The following KIAA1755 variants were observed in gnomAD, a reference collection of about 807,000 sequenced individuals.
The protein encoded by KIAA1755 is KIAA1755.
A neutral mutation model predicts 91.7 loss-of-function variants in KIAA1755; 68 were observed. That is an observed-to-expected ratio of 0.74 (90% CI 0.61 to 0.91). KIAA1755 has a LOEUF of 0.91. Ranked by LOEUF, KIAA1755 falls within the 40% of genes least tolerant of loss-of-function variation. The probability of loss-of-function intolerance (pLI) is 0.00; values close to 1 mark genes in which losing one functional copy is unlikely to be tolerated. For synonymous variants in KIAA1755, 610 were observed against 604.6 expected, an observed-to-expected ratio of 1.01 and a Z score of -0.13; for missense variants, 1,535 against 1,494.4, an observed-to-expected ratio of 1.03 and a Z score of -0.45.
chr20:38,240,653 T>C lies in KIAA1755; in HGVS notation c.1478A>G (p.His493Arg). The stretch of plus-strand genomic sequence containing the variant: ...ACACAGGACTTTCCAGGGCCCATTG[T>C]GCTGGAGTGAGGCTTTCTCCGGGGT... The part of the protein sequence containing the change: ...SVTPEKASLQ[H>R]NGPWKVLCSL... Residue 493 changes from histidine to arginine, a missense_variant, in exon 3 of 14, where the codon CAC (histidine) becomes CGC (arginine). By Grantham distance (29) the His-to-Arg change is conservative. Coordinates refer to ENST00000279024, the MANE Select transcript of KIAA1755 (RefSeq NM_001029864.2). The C allele has an allele frequency of 6.5e-7, 1 of 1,534,452 alleles. No homozygotes were observed. Among genetic ancestry groups the C allele is most frequent in the Non-Finnish European group, 8.7e-7 (1 of 1,143,024 alleles).
Position 38,212,795 on chromosome 20 carries a change from AC to A in KIAA1755, c.*246del, listed in dbSNP as rs2075470329. 1 of 442,316 alleles carries A rather than the reference AC, an allele frequency of 2.3e-6. No individual in the cohort carries two copies. The highest frequency in any genetic ancestry group is 1.9e-5 in the African/African-American group (1 of 51,768). The allele number at this position is 442,316 out of a possible 1,614,324, so 27.4% of individuals were successfully genotyped here. On this transcript the variant is annotated 3_prime_UTR_variant, in exon 14 of 14. Coordinates refer to ENST00000279024, the MANE Select transcript of KIAA1755 (RefSeq NM_001029864.2). ...AGCCTGGAGGGATGGAGCCAATCAC[AC>A]CATTTATTGTGCCCTGGTTCTGACG...
Position 38,213,538 on chromosome 20 carries a change from T to TC in KIAA1755, c.3106dup (p.Glu1036GlyfsTer7). ...GATCTCCTCATGCCTGATCCGGGCC[T>TC]CCTCCCATAGCTCCTGGCCCAGGCC... is the stretch of plus-strand genomic sequence containing the variant. On this transcript the variant is annotated frameshift_variant, in exon 14 of 14. Coordinates refer to ENST00000279024, the MANE Select transcript of KIAA1755 (RefSeq NM_001029864.2). LOFTEE classifies it low-confidence loss of function (END_TRUNC). 1 of 1,609,934 alleles carries TC rather than the reference T, an allele frequency of 6.2e-7. No homozygotes were observed. Among genetic ancestry groups the TC allele is most frequent in the South Asian group, 1.1e-5 (1 of 90,740 alleles).
At chr20:38,235,184 G>A (rs1262310807) in intron 4 of KIAA1755, among the ~76,000 whole-genome samples, 1 of 152,128 alleles carries the variant, frequency 6.6e-6, no homozygotes, top group Non-Finnish European at 1.5e-5. Context: ...AAATTTTAAA[G>A]GCAAAAAGGA....
intron 12 of KIAA1755, 128 bp downstream of exon 12, chr20:38,218,116 G>C: frequency 8.3e-7 from 1 of 1,203,720 alleles, no homozygotes; most frequent in Non-Finnish European, 1.2e-6. Flanking sequence ...AATCCAAGCT[G>C]GTTCCCTCAC....
intron 1 of KIAA1755, among the ~76,000 whole-genome samples, chr20:38,252,673 C>G (rs751327353): frequency 2.0e-5 from 3 of 152,186 alleles, no homozygotes; most frequent in Non-Finnish European, 4.4e-5. Flanking sequence ...AACTGTTTAC[C>G]TCTCACAGAG....
At chr20:38,225,636 CA>C in intron 8 of KIAA1755, 28 bp downstream of exon 8, 2 of 1,352,564 alleles carry the variant, frequency 1.5e-6, no homozygotes, top group Non-Finnish European at 2.1e-6. Context: ...GAGTGGGGGT[CA>C]GGGGCTAAAG....
chr20:38,258,071 TTC>T (rs1258347343), intron 1 of KIAA1755, among the ~76,000 whole-genome samples: 1 of 152,040 alleles, frequency 6.6e-6, no homozygotes, highest in Non-Finnish European at 1.5e-5. Flanking sequence ...GGCTAGTTTT[TTC>T]TGTTTTCAGT....
chr20:38,224,398 C>A (rs1438392246), intron 8 of KIAA1755, among the ~76,000 whole-genome samples: 1 of 152,204 alleles, frequency 6.6e-6, no homozygotes, highest in African/African-American at 2.4e-5. Context: ...CAGTAGGTAT[C>A]TTTTTGGACC....
intron 1 of KIAA1755, among the ~76,000 whole-genome samples, chr20:38,254,139 C>T (rs986308427): frequency 6.6e-6 from 1 of 152,336 alleles, no homozygotes; most frequent in East Asian, 1.9e-4. Context: ...CCCACCTTGG[C>T]CTCCCAAAGT....
Position 38,246,397 on chromosome 20 carries a change from T to A in KIAA1755, c.4-271A>T, listed in dbSNP as rs145027350. Among the ~76,000 whole-genome samples, 3 of 148,192 alleles carry A rather than the reference T, an allele frequency of 2.0e-5. No individual in the cohort carries two copies. The East Asian group carries it at 6.3e-4, about 31-fold the overall frequency. On this transcript the variant is annotated intron_variant, in intron 1 of 13. Coordinates refer to ENST00000279024, the MANE Select transcript of KIAA1755 (RefSeq NM_001029864.2). ...CTCAAGACAGCCTCATTCCCACACCTCTTGCAGGTCTTTGCTCAAATGTCA... is the reference window on the plus strand; with the variant it reads ...CTCAAGACAGCCTCATTCCCACACCACTTGCAGGTCTTTGCTCAAATGTCA...
intron 5 of KIAA1755, among the ~76,000 whole-genome samples, chr20:38,230,451 C>G (rs2075839512): frequency 6.6e-6 from 1 of 152,194 alleles, no homozygotes; most frequent in Non-Finnish European, 1.5e-5. Flanking sequence ...AGTCCCAGGC[C>G]CAGCACCTGT....
intron 1 of KIAA1755, among the ~76,000 whole-genome samples, chr20:38,251,959 T>TA (rs1272947679): frequency 3.3e-5 from 5 of 152,326 alleles, no homozygotes; most frequent in African/African-American, 9.6e-5. Context: ...TGAGCCCCTG[T>TA]AACCACTTAC....
chr20:38,260,410 G>A, intron 1 of KIAA1755, 88 bp downstream of exon 1: 1 of 1,591,950 alleles, frequency 6.3e-7, no homozygotes, highest in Admixed American at 1.8e-5. Context: ...AAAGGCCAGG[G>A]CCACCCGGGG....
In KIAA1755 at chr20:38,213,448, G is replaced by A. The variant is rs759702717; in HGVS notation, c.3197C>T (p.Ala1066Val). 1.9e-5 allele frequency: 31 copies of A among 1,602,682 alleles called. No homozygotes were observed. The highest frequency in any genetic ancestry group is 4.5e-5 in the South Asian group (4 of 89,284). Residue 1066 changes from alanine to valine, a missense_variant, in exon 14 of 14, where the codon GCG becomes GTG. Coordinates refer to ENST00000279024, the MANE Select transcript of KIAA1755 (RefSeq NM_001029864.2). ...SCPEAPAAHSARPERRGVAAK... is the reference protein window; with the variant it reads ...SCPEAPAAHSVRPERRGVAAK... ...TGCCACCCCTCTTCGTTCTGGGCGCGCTGAGTGAGCAGCTGGAGCCTCTGG... is the reference window on the plus strand; with the variant it reads ...TGCCACCCCTCTTCGTTCTGGGCGCACTGAGTGAGCAGCTGGAGCCTCTGG...
Position 38,241,401 on chromosome 20 carries a change from T to C in KIAA1755, c.730A>G (p.Lys244Glu), listed in dbSNP as rs751451500. Reference sequence around the variant, plus strand: ...TCCACCTTGATGAGTCCTGGATACTTGCTCCCATATGTCCTGCCCTTACCC... The same window carrying C: ...TCCACCTTGATGAGTCCTGGATACTCGCTCCCATATGTCCTGCCCTTACCC... Reference protein sequence around the residue: ...AKGKGRTYGSKYPGLIKVEQA... With the variant: ...AKGKGRTYGSEYPGLIKVEQA... Residue 244 changes from lysine (K) to glutamate (E), a missense_variant, in exon 3 of 14, where the codon AAG becomes GAG. By Grantham distance (56) the Lys-to-Glu change is moderately conservative (BLOSUM62 1). Transcript: ENST00000279024. 1 of 1,614,204 alleles carries C rather than the reference T, an allele frequency of 6.2e-7. No homozygotes were observed. Among genetic ancestry groups the C allele is most frequent in the Non-Finnish European group, 8.5e-7 (1 of 1,180,040 alleles).
At chr20:38,219,466 T>C (rs1020216637) in intron 11 of KIAA1755, among the ~76,000 whole-genome samples, 164 bp downstream of exon 11, 6 of 152,228 alleles carry the variant, frequency 3.9e-5, no homozygotes, top group African/African-American at 1.2e-4. Flanking sequence ...CACCAGGTCA[T>C]GTGCTACGCC....
chr20:38,222,596 T>C lies in KIAA1755; in HGVS notation c.2270A>G (p.Glu757Gly). The C allele has an allele frequency of 1.2e-6, 2 of 1,611,832 alleles. No homozygotes were observed. Among genetic ancestry groups the C allele is most frequent in the Non-Finnish European group, 1.7e-6 (2 of 1,179,938 alleles). ...GGACTTGCTCAGGCACCTGGTAGCC[T>C]CCTGCCAGCGTAGGGAGGTGCCCTG... ...EKADPPGGMQ[E>G]ATRCLSKSKE... Residue 757 changes from glutamate to glycine, a missense_variant and splice_region_variant, in exon 10 of 14, where the codon GAG becomes GGG. Coordinates refer to ENST00000279024, the MANE Select transcript of KIAA1755 (RefSeq NM_001029864.2).
In KIAA1755 at chr20:38,240,976, A is replaced by G. The variant is rs149384259; in HGVS notation, c.1155T>C (p.Ser385=). 4.8e-3 allele frequency: 7,746 copies of G among 1,614,148 alleles called. 631 individuals are homozygous for G. In the Admixed American group the frequency reaches 0.12, roughly 26 times the overall value. The change falls in exon 3 of 14, where the codon TCT becomes TCC. Residue 385 remains serine, a synonymous_variant. Transcript: ENST00000279024. The part of the protein sequence containing the change: ...NVLEDALDCA[S]GLRAGVSQEP... The stretch of plus-strand genomic sequence containing the variant: ...CTTGTGAGACACCTGCCCTGAGACC[A>G]GAGGCACAGTCCAGTGCGTCCTCAA...
chr20:38,223,672 C>T, intron 8 of KIAA1755, 36 bp from the exon 9 acceptor site: 1 of 1,527,476 alleles, frequency 6.5e-7, no homozygotes, highest in African/African-American at 1.4e-5. Flanking sequence ...GGTGTCAGCC[C>T]AGGCCAACCA....
Sources: gnomAD v4.1 joint callset for allele counts (sites outside exome capture counted in the v4.1 genomes callset) on GRCh38, gnomAD v4.1.1 for gene constraint, MANE v1.5 for transcripts, NCBI Gene and HGNC (gene_info 2026-07-23, HGNC 2026-07-21) for gene names.